The following FABP6 variants were observed in gnomAD, a reference collection of about 807,000 sequenced individuals.
The protein encoded by FABP6 is fatty acid binding protein 6.
A neutral mutation model predicts 14.9 loss-of-function variants in FABP6; 13 were observed. The observed-to-expected ratio is 0.87, with a 90% CI of 0.57 to 1.39. The LOEUF is 1.39. Among genes scored for constraint, FABP6 ranks in the 40% most tolerant of loss-of-function variants. FABP6 has a pLI of 0.00. For missense variants in FABP6, 161 were observed against 167.2 expected, an observed-to-expected ratio of 0.96 and a Z score of 0.20; for synonymous variants, 75 against 63.6, an observed-to-expected ratio of 1.18 and a Z score of -0.85.
chr5:160,191,954 A>G (rs1012066153), intron 1 of FABP6, among the ~76,000 whole-genome samples: 5 of 151,834 alleles, frequency 3.3e-5, no homozygotes, highest in African/African-American at 1.2e-4. Flanking sequence ...AGCCTGGGTG[A>G]CAGAGCGAGA....
At chr5:160,237,156 A>C (rs1353216090) in intron 3 of FABP6, among the ~76,000 whole-genome samples, 2 of 152,128 alleles carry the variant, frequency 1.3e-5, no homozygotes, top group South Asian at 2.1e-4. Flanking sequence ...CTCCCAGAAG[A>C]AGCAAAGCTC....
intron 1 of FABP6, among the ~76,000 whole-genome samples, chr5:160,231,408 G>A (rs933901644): frequency 2.6e-5 from 4 of 152,168 alleles, no homozygotes; most frequent in African/African-American, 9.7e-5. Context: ...CTGGCAGGGA[G>A]GAGGGGACGG....
chr5:160,228,113 C>G (rs529340784), upstream of FABP6, among the ~76,000 whole-genome samples: 1 of 151,720 alleles, frequency 6.6e-6, no homozygotes, highest in African/African-American at 2.4e-5. Flanking sequence ...AATAATTGGC[C>G]GGGTGTGGTG....
chr5:160,231,092 C>A (rs1399559817), intron 1 of FABP6, among the ~76,000 whole-genome samples: 1 of 152,222 alleles, frequency 6.6e-6, no homozygotes, highest in Non-Finnish European at 1.5e-5. Context: ...CCCGTGCCCT[C>A]CCTCTTGGTG....
chr5:160,207,799 C>G (rs182516799), intron 2 of FABP6, among the ~76,000 whole-genome samples: 6 of 150,626 alleles, frequency 4.0e-5, no homozygotes, highest in African/African-American at 1.2e-4. Context: ...TCTCGGCTCA[C>G]TGCAACCTCC....
At chr5:160,193,020 AG>A (rs1304113353) in intron 1 of FABP6, among the ~76,000 whole-genome samples, 2 of 152,224 alleles carry the variant, frequency 1.3e-5, no homozygotes, top group Non-Finnish European at 1.5e-5. Context: ...CTGAGGCAGG[AG>A]GATTGCTTAA....
intron 2 of FABP6, among the ~76,000 whole-genome samples, chr5:160,211,086 GC>G (rs1275132414): frequency 1.3e-5 from 2 of 152,156 alleles, no homozygotes; most frequent in Non-Finnish European, 1.5e-5. Context: ...CCCAGCCACT[GC>G]CCTAGATCAA....
chr5:160,227,646 C>G (rs1185610374), upstream of FABP6, among the ~76,000 whole-genome samples: 1 of 151,302 alleles, frequency 6.6e-6, no homozygotes, highest in South Asian at 2.1e-4. Flanking sequence ...AGATCACACA[C>G]GGCACTCCAG....
At chr5:160,212,732 G>A (rs1007699279) in intron 2 of FABP6, among the ~76,000 whole-genome samples, 1 of 152,154 alleles carries the variant, frequency 6.6e-6, no homozygotes, top group Non-Finnish European at 1.5e-5. Flanking sequence ...GCCTCCCAAA[G>A]TGTTGGGATT....
At chr5:160,207,512 T>C (rs901545384) in intron 2 of FABP6, among the ~76,000 whole-genome samples, 7 of 152,238 alleles carry the variant, frequency 4.6e-5, no homozygotes, top group African/African-American at 1.7e-4. Flanking sequence ...GTATTTATTA[T>C]TCAACAGTGT....
intron 1 of FABP6, among the ~76,000 whole-genome samples, chr5:160,230,307 G>T (rs1760349291): frequency 6.6e-6 from 1 of 152,150 alleles, no homozygotes; most frequent in African/African-American, 2.4e-5. Context: ...GTAAAGTGGA[G>T]ACTTGGTTGG....
intron 3 of FABP6, among the ~76,000 whole-genome samples, chr5:160,221,419 A>G (rs977447479): frequency 1.3e-5 from 2 of 152,192 alleles, no homozygotes; most frequent in African/African-American, 4.8e-5. Context: ...CATTCCAGGC[A>G]GGCCAAGGCA....
chr5:160,217,038 G>T (rs1246296159), intron 3 of FABP6, among the ~76,000 whole-genome samples: 1 of 152,172 alleles, frequency 6.6e-6, no homozygotes, highest in African/African-American at 2.4e-5. Flanking sequence ...CATGATGGGG[G>T]TAATATCAGG....
intron 2 of FABP6, among the ~76,000 whole-genome samples, chr5:160,200,696 G>C (rs975097294): frequency 6.6e-6 from 1 of 152,180 alleles, no homozygotes; most frequent in South Asian, 2.1e-4. Context: ...TTACAGGCGT[G>C]AGCCACCGCA....
chr5:160,226,358 C>A (rs954840608), upstream of FABP6, among the ~76,000 whole-genome samples: 2 of 151,418 alleles, frequency 1.3e-5, no homozygotes, highest in African/African-American at 4.9e-5. Context: ...GTCAGGAGTT[C>A]GAGACCAGCC....
At chr5:160,200,652 G>C (rs1282810238) in intron 2 of FABP6, among the ~76,000 whole-genome samples, 1 of 152,132 alleles carries the variant, frequency 6.6e-6, no homozygotes, top group African/African-American at 2.4e-5. Flanking sequence ...GACCTCAGGT[G>C]ATCCACCCGC....
upstream of FABP6, chr5:160,228,832 T>C (rs1486191085): frequency 7.1e-6 from 2 of 281,908 alleles, no homozygotes; most frequent in South Asian, 7.5e-5. Flanking sequence ...TCCATCTTCG[T>C]CACACTGTTC....
chr5:160,197,429 A>T (rs887282327), intron 1 of FABP6: 1 of 152,278 alleles, frequency 6.6e-6, no homozygotes, highest in African/African-American at 2.4e-5. Flanking sequence ...TACTGCCTGC[A>T]TGACCTTGGG....
At chr5:160,206,477 A>T (rs4568401) in intron 2 of FABP6, among the ~76,000 whole-genome samples, 2 of 152,058 alleles carry the variant, frequency 1.3e-5, no homozygotes, top group Non-Finnish European at 2.9e-5. Context: ...ACATGTATCC[A>T]CAGTGATTCA....
Sources: allele counts gnomAD v4.1 joint callset (sites outside exome capture counted in the v4.1 genomes callset), GRCh38; gene constraint gnomAD v4.1.1; transcripts MANE v1.5; gene names NCBI Gene and HGNC (gene_info 2026-07-23, HGNC 2026-07-21).